SMURF2: variants seen among roughly 807,000 people sequenced by gnomAD.
The protein encoded by SMURF2 is E3 ubiquitin-protein ligase SMURF2.
SMURF2 carries 48 observed loss-of-function variants against 109.6 expected under a neutral mutation model. The ratio of observed to expected loss-of-function variants is 0.44; its 90% CI spans 0.35 to 0.56. SMURF2 has a LOEUF of 0.56. Ranked by LOEUF, SMURF2 falls within the 20% of genes least tolerant of loss-of-function variation. SMURF2 has a pLI of 0.01. For synonymous variants in SMURF2, 288 were observed against 317.1 expected, an observed-to-expected ratio of 0.91 and a Z score of 0.97; for missense variants, 575 against 909.0, an observed-to-expected ratio of 0.63 and a Z score of 4.72.
At chr17:64,575,924 G>T (rs373815387) in intron 9 of SMURF2, among the ~76,000 whole-genome samples, 1 of 152,010 alleles carries the variant, frequency 6.6e-6, no homozygotes, top group East Asian at 1.9e-4. Context: ...TCAAAATAGG[G>T]CCAAGCATGG....
intron 1 of SMURF2, among the ~76,000 whole-genome samples, chr17:64,656,410 AACAG>A (rs1266935194): frequency 1.3e-5 from 2 of 152,354 alleles, no homozygotes; most frequent in African/African-American, 2.4e-5. Context: ...ATCATTAGTA[AACAG>A]ACAGGAAAAT....
rs576903031 is a variant in SMURF2 at position 64,563,713 on chromosome 17, T to C, written c.1017-747A>G. ...GACATACATCAGGCAATGAATGATT[T>C]CTTAGATATAACACCAAAAGCACAA... On this transcript the variant is annotated intron_variant, in intron 10 of 18. Coordinates refer to ENST00000262435, the MANE Select transcript of SMURF2 (RefSeq NM_022739.4). Among the ~76,000 whole-genome samples the C allele has an allele frequency of 3.8e-4, 58 of 152,316 alleles. No homozygotes were observed. In the South Asian group the frequency reaches 0.012, roughly 31 times the overall value.
chr17:64,585,559 A>AT (rs1969641079), intron 6 of SMURF2, among the ~76,000 whole-genome samples: 1 of 152,200 alleles, frequency 6.6e-6, no homozygotes, highest in Non-Finnish European at 1.5e-5. Context: ...AATAGTAAGG[A>AT]TTAGAACTCA....
Position 64,547,415 on chromosome 17 carries a change from GA to G in SMURF2, c.2071+184del, listed in dbSNP as rs1968973956. Among the ~76,000 whole-genome samples the G allele has an allele frequency of 6.6e-6, 1 of 152,206 alleles. No individual in the cohort carries two copies. The highest frequency in any genetic ancestry group is 2.1e-4 in the South Asian group (1 of 4,830). The stretch of plus-strand genomic sequence containing the variant: ...CTCACTACAATCAGAGAAGCCCGCA[GA>G]AAAGGCTCTTGGGAAGGGAACAAAA... On this transcript the variant is annotated intron_variant, in intron 17 of 18. Transcript: ENST00000262435. The surrounding 1 kb of genome is among the most constrained non-coding windows in gnomAD (Gnocchi z 4.2).
chr17:64,553,653 A>T (rs1427878443), intron 15 of SMURF2, among the ~76,000 whole-genome samples: 4 of 152,182 alleles, frequency 2.6e-5, no homozygotes, highest in African/African-American at 9.6e-5. Context: ...TAATATAATC[A>T]TTCTTCTCTA....
rs372682588 is a variant in SMURF2 at position 64,584,361 on chromosome 17, C to CTTTTTTTTTTTTTTTTTTTTTT, written c.486-818_486-817insAAAAAAAAAAAAAAAAAAAAAA. 2.0e-4 allele frequency among the ~76,000 whole-genome samples: 22 copies of CTTTTTTTTTTTTTTTTTTTTTT among 112,708 alleles called. 1 individual carries two copies. Among genetic ancestry groups the CTTTTTTTTTTTTTTTTTTTTTT allele is most frequent in the African/African-American group, 7.5e-4 (20 of 26,834 alleles). The allele number at this position is 112,708 out of a possible 152,430, so 73.9% of individuals were successfully genotyped here. Reference sequence around the variant, plus strand: ...CGAAACAGCTACTTTCTTTTTTTTTCTTTTTTTTTTTTTTTTGAGACAGAG... The same window carrying CTTTTTTTTTTTTTTTTTTTTTT: ...CGAAACAGCTACTTTCTTTTTTTTTCTTTTTTTTTTTTTTTTTTTTTTTTTTTTTTTTTTTTTTGAGACAGAG... On this transcript the variant is annotated intron_variant, in intron 6 of 18. Coordinates refer to ENST00000262435, the MANE Select transcript of SMURF2 (RefSeq NM_022739.4).
intron 1 of SMURF2, among the ~76,000 whole-genome samples, chr17:64,625,669 G>C (rs1261067665): frequency 6.6e-6 from 1 of 152,034 alleles, no homozygotes; most frequent in Non-Finnish European, 1.5e-5. Context: ...TCTCTTCCTA[G>C]AGGGCCTGTT....
chr17:64,624,120 ACAC>A (rs1555690928), intron 1 of SMURF2, among the ~76,000 whole-genome samples: 1 of 152,164 alleles, frequency 6.6e-6, no homozygotes, highest in Non-Finnish European at 1.5e-5. Context: ...AACAAATGAC[ACAC>A]TACTGACTAA....
chr17:64,575,089 AT>A (rs551344959), intron 9 of SMURF2, among the ~76,000 whole-genome samples: 2,289 of 147,458 alleles, frequency 0.016, 81 homozygotes, highest in African/African-American at 0.053. Context: ...AGGCCCTTGG[AT>A]TTTTTTTTTC....
intron 12 of SMURF2, chr17:64,561,099 C>CA (rs1969210272): frequency 5.7e-6 from 1 of 175,306 alleles, no homozygotes; most frequent in South Asian, 1.4e-4. Context: ...TGTGTATACA[C>CA]ACATGCATGC....
At chr17:64,574,812 CCTGTT>C (rs1433780320) in intron 9 of SMURF2, among the ~76,000 whole-genome samples, 1 of 152,082 alleles carries the variant, frequency 6.6e-6, no homozygotes, top group Non-Finnish European at 1.5e-5. Context: ...GGAATAAGAG[CCTGTT>C]ACCAACAGTG....
chr17:64,611,751 T>C (rs924705916), intron 1 of SMURF2, among the ~76,000 whole-genome samples: 20 of 152,182 alleles, frequency 1.3e-4, no homozygotes, highest in Admixed American at 1.3e-3. Context: ...GCTAAAAATC[T>C]AATTAAGTCT....
At chr17:64,614,006 G>A (rs1305053532) in intron 1 of SMURF2, among the ~76,000 whole-genome samples, 2 of 151,746 alleles carry the variant, frequency 1.3e-5, no homozygotes, top group East Asian at 3.9e-4. Context: ...CCTCGCATGC[G>A]CAGTTCACAG....
At chr17:64,546,177 T>G in intron 18 of SMURF2, 86 bp downstream of exon 18, 1 of 1,291,452 alleles carries the variant, frequency 7.7e-7, no homozygotes, top group Non-Finnish European at 1.1e-6. Flanking sequence ...TTAACACTAG[T>G]AAGTACAATA....
rs576661059 is a variant in SMURF2 at position 64,591,834 on chromosome 17, T to C, written c.335-685A>G. 7.7e-4 allele frequency among the ~76,000 whole-genome samples: 118 copies of C among 152,340 alleles called. 1 individual carries two copies. The highest frequency in any genetic ancestry group is 2.7e-3 in the African/African-American group (114 of 41,584). ...GTGAATTGATAAATGGAGGAGACCATATCTTAGTCTTTGTATTTTCCACTC... is the reference window on the plus strand; with the variant it reads ...GTGAATTGATAAATGGAGGAGACCACATCTTAGTCTTTGTATTTTCCACTC... On this transcript the variant is annotated intron_variant, in intron 4 of 18. Coordinates refer to ENST00000262435, the MANE Select transcript of SMURF2 (RefSeq NM_022739.4).
At chr17:64,620,914 CT>C (rs1200536729) in intron 1 of SMURF2, among the ~76,000 whole-genome samples, 1 of 152,172 alleles carries the variant, frequency 6.6e-6, no homozygotes, top group African/African-American at 2.4e-5. Flanking sequence ...CTTGTTTCCC[CT>C]AACCTAGTAA....
Position 64,617,065 on chromosome 17 carries a change from TAAAAAAAAAAAA to T in SMURF2, c.53-10437_53-10426del, listed in dbSNP as rs35408397. Among the ~76,000 whole-genome samples, 10 of 48,496 alleles carry T rather than the reference TAAAAAAAAAAAA, an allele frequency of 2.1e-4. No homozygotes were observed. In the South Asian group the frequency reaches 2.5e-3, roughly 12 times the overall value. The allele number at this position is 48,496 out of a possible 152,430, so 31.8% of individuals were successfully genotyped here. On this transcript the variant is annotated intron_variant, in intron 1 of 18. Coordinates refer to ENST00000262435, the MANE Select transcript of SMURF2 (RefSeq NM_022739.4). ...CTGGGCAACAGAATGAGACCTTGTCTAAAAAAAAAAAAAAAAAAAAAAAAAAAAAATCTTAGT... is the reference window on the plus strand; with the variant it reads ...CTGGGCAACAGAATGAGACCTTGTCTAAAAAAAAAAAAAAAAAATCTTAGT...
At chr17:64,622,378 T>C (rs1222480545) in intron 1 of SMURF2, among the ~76,000 whole-genome samples, 1 of 152,192 alleles carries the variant, frequency 6.6e-6, no homozygotes, top group African/African-American at 2.4e-5. Context: ...TTAATTAAAA[T>C]TGGTGTTTTA....
intron 1 of SMURF2, among the ~76,000 whole-genome samples, chr17:64,626,591 C>T (rs138380228): frequency 4.6e-5 from 7 of 152,094 alleles, no homozygotes; most frequent in African/African-American, 1.7e-4. Flanking sequence ...GGCAAAATCC[C>T]ATCTCTACTA....
Sources: gnomAD v4.1 joint callset for allele counts (sites outside exome capture counted in the v4.1 genomes callset) on GRCh38, gnomAD v4.1.1 for gene constraint, Gnocchi (gnomAD v3.1) non-coding constraint, MANE v1.5 for transcripts, NCBI Gene and HGNC (gene_info 2026-07-23, HGNC 2026-07-21) for gene names.